ULK4: variants seen among roughly 807,000 people sequenced by gnomAD.
The protein encoded by ULK4 is inactive serine/threonine-protein kinase ULK4.
In ULK4, 133 loss-of-function variants were observed where a neutral mutation model predicts 160.6. That is an observed-to-expected ratio of 0.83 (90% CI 0.72 to 0.96). ULK4 has a LOEUF of 0.96. Ranked by LOEUF, ULK4 falls within the 40% of genes least tolerant of loss-of-function variation. ULK4 has a pLI of 0.00. For synonymous variants in ULK4, 534 were observed against 539.8 expected (o/e 0.99, Z 0.15); for missense variants, 1,580 against 1,499.5 (o/e 1.05, Z -0.89).
At position 41,821,082 on chromosome 3, in the gene ULK4, C is replaced by A. The variant is rs554278224; in HGVS notation, c.1765-1576G>T. ...CTCCCTTGGCCCTTCTTTCCCTCAA[C>A]AGATCACCTACTTCACTCCCAGCCA... On this transcript the variant is annotated intron_variant, in intron 18 of 36. Transcript: ENST00000301831. 3.3e-5 allele frequency among the ~76,000 whole-genome samples: 5 copies of A among 152,330 alleles called. No homozygotes were observed. The South Asian group carries it at 1.0e-3, about 32-fold the overall frequency.
chr3:41,315,610 G>A (rs572925984), intron 35 of ULK4, among the ~76,000 whole-genome samples: 1 of 152,268 alleles, frequency 6.6e-6, no homozygotes, highest in Non-Finnish European at 1.5e-5. Context: ...TTCAACCACA[G>A]GCCTCTCCAT....
intron 35 of ULK4, among the ~76,000 whole-genome samples, chr3:41,364,192 C>T (rs945187171): frequency 1.3e-5 from 2 of 152,334 alleles, no homozygotes; most frequent in South Asian, 2.1e-4. Context: ...CCTATCTTGG[C>T]CTCCCAAAGT....
chr3:41,368,176 T>A (rs974670897), intron 35 of ULK4, among the ~76,000 whole-genome samples: 4 of 151,914 alleles, frequency 2.6e-5, no homozygotes, highest in Admixed American at 6.6e-5. Context: ...GCCTCCTGAG[T>A]AGCTGGCACT....
chr3:41,921,962 T>C (rs61365106), intron 5 of ULK4, among the ~76,000 whole-genome samples: 1 of 152,134 alleles, frequency 6.6e-6, no homozygotes, highest in African/African-American at 2.4e-5. Flanking sequence ...GAGACCAGCC[T>C]GACCAACATG....
At chr3:41,647,748 T>A (rs2034570054) in intron 30 of ULK4, among the ~76,000 whole-genome samples, 3 of 152,216 alleles carry the variant, frequency 2.0e-5, no homozygotes, top group Admixed American at 2.0e-4. Flanking sequence ...GACATTTAAG[T>A]CTGCAGACGT....
chr3:41,824,163 T>TTTAAA (rs555935496), intron 18 of ULK4, among the ~76,000 whole-genome samples: 34 of 117,800 alleles, frequency 2.9e-4, no homozygotes, highest in African/African-American at 4.2e-4. Context: ...ACTCTATCTT[T>TTTAAA]AAAAAAAAAA....
chr3:41,765,189 A>C (rs539325454), intron 21 of ULK4, among the ~76,000 whole-genome samples: 169 of 152,364 alleles, frequency 1.1e-3, no homozygotes, highest in Non-Finnish European at 1.9e-3. Context: ...CTGGATTAAG[A>C]AAATGTGGCA....
At chr3:41,384,306 A>G (rs1300832108) in intron 35 of ULK4, among the ~76,000 whole-genome samples, 1 of 152,150 alleles carries the variant, frequency 6.6e-6, no homozygotes, top group Non-Finnish European at 1.5e-5. Context: ...CAAAAAGTCA[A>G]TTTCATATGG....
chr3:41,706,168 G>A (rs79005057), intron 25 of ULK4, among the ~76,000 whole-genome samples: 39 of 151,646 alleles, frequency 2.6e-4, no homozygotes, highest in African/African-American at 8.7e-4. Context: ...TTAGTAGCTC[G>A]GCTGTGAGCT....
chr3:41,951,758 C>A (rs181632226), intron 2 of ULK4, among the ~76,000 whole-genome samples: 1 of 152,228 alleles, frequency 6.6e-6, no homozygotes, highest in East Asian at 1.9e-4. Context: ...CTTTAGGAGG[C>A]GATTAGGTCA....
chr3:41,260,662 G>A (rs1221896010), intron 35 of ULK4, among the ~76,000 whole-genome samples: 1 of 152,186 alleles, frequency 6.6e-6, no homozygotes, highest in Non-Finnish European at 1.5e-5. Flanking sequence ...AGGGTAAGGG[G>A]GTAACAGTTG....
chr3:41,773,084 G>A (rs905502133), intron 21 of ULK4, among the ~76,000 whole-genome samples: 2 of 151,970 alleles, frequency 1.3e-5, no homozygotes, highest in Non-Finnish European at 2.9e-5. Flanking sequence ...AATAATAAGA[G>A]CTATCTATGA....
chr3:41,524,883 A>G (rs2086059661), intron 32 of ULK4, among the ~76,000 whole-genome samples: 1 of 152,162 alleles, frequency 6.6e-6, no homozygotes, highest in Non-Finnish European at 1.5e-5. Context: ...GGTTGCAGTG[A>G]GCCAAGATCG....
rs75366581 is a variant in ULK4, at chr3:41,587,127, T to C, written c.3121-20997A>G. Among the ~76,000 whole-genome samples, 918 of 152,244 alleles carry C rather than the reference T, an allele frequency of 6.0e-3. 8 individuals are homozygous for C. Among genetic ancestry groups the C allele is most frequent in the Middle Eastern group, 0.017 (5 of 294 alleles). ...CAGATTGCTAACAGAATTCAGTTGA[T>C]TGTGGTTGTAAGACTGAAGTGTCTG... On this transcript the variant is annotated intron_variant, in intron 31 of 36. Coordinates refer to ENST00000301831, the MANE Select transcript of ULK4 (RefSeq NM_017886.4).
chr3:41,609,587 A>C (rs527708775), intron 31 of ULK4, among the ~76,000 whole-genome samples: 4 of 152,364 alleles, frequency 2.6e-5, no homozygotes, highest in African/African-American at 9.6e-5. Context: ...GAATGGGTAT[A>C]GATGTAGATT....
rs140076127 is a variant in ULK4, at chr3:41,834,503, T to G, written c.1764+1361A>C. ...AGAATTGGACAAGCTGATTCTAAAA[T>G]TTATTCTGATATGCGAAGGGCCAGG... is the stretch of plus-strand genomic sequence containing the variant. On this transcript the variant is annotated intron_variant, in intron 18 of 36. Coordinates refer to ENST00000301831, the MANE Select transcript of ULK4 (RefSeq NM_017886.4). 5.2e-3 allele frequency among the ~76,000 whole-genome samples: 785 copies of G among 152,306 alleles called. 5 individuals are homozygous for G. The highest frequency in any genetic ancestry group is 0.018 in the African/African-American group (730 of 41,558).
chr3:41,280,365 A>G (rs2125694134), intron 35 of ULK4, among the ~76,000 whole-genome samples: 1 of 152,370 alleles, frequency 6.6e-6, no homozygotes, highest in East Asian at 1.9e-4. Context: ...CATTCTTCTC[A>G]GTACCACATC....
chr3:41,853,981 C>G (rs1408239807), intron 17 of ULK4: 2 of 152,154 alleles, frequency 1.3e-5, no homozygotes, highest in African/African-American at 4.8e-5. Context: ...ACTTAGCCAA[C>G]TCATTTGGCA....
At chr3:41,696,983 T>C (rs1209838836) in intron 27 of ULK4, among the ~76,000 whole-genome samples, 3 of 152,184 alleles carry the variant, frequency 2.0e-5, no homozygotes, top group African/African-American at 7.2e-5. Flanking sequence ...ATCCTTCCCT[T>C]AGAGCCTCTG....
Sources: allele counts gnomAD v4.1 joint callset (sites outside exome capture counted in the v4.1 genomes callset), GRCh38; gene constraint gnomAD v4.1.1; transcripts MANE v1.5; gene names NCBI Gene and HGNC (gene_info 2026-07-23, HGNC 2026-07-21).